The following ZC3H7A variants were observed in gnomAD, a reference collection of about 807,000 sequenced individuals.
The protein encoded by ZC3H7A is zinc finger CCCH domain-containing protein 7A.
Under a neutral mutation model 125.5 loss-of-function variants are expected in ZC3H7A, and 44 were observed. That is an observed-to-expected ratio of 0.35 (90% CI 0.28 to 0.45). ZC3H7A has a LOEUF of 0.45. Ranked by LOEUF, ZC3H7A falls within the 20% of genes least tolerant of loss-of-function variation. ZC3H7A has a pLI of 1.00. For missense variants in ZC3H7A, 977 were observed against 1,170.7 expected, an observed-to-expected ratio of 0.83 and a Z score of 2.41; for synonymous variants, 399 against 391.2, an observed-to-expected ratio of 1.02 and a Z score of -0.23.
Position 11,752,743 on chromosome 16 carries a change from C to T in ZC3H7A, c.2652G>A (p.Lys884=). 2 of 1,614,160 alleles carry T rather than the reference C, an allele frequency of 1.2e-6. No homozygotes were observed. The highest frequency in any genetic ancestry group is 2.2e-5 in the East Asian group (1 of 44,888). The change falls in exon 22 of 23, where the codon AAG becomes AAA. Residue 884 remains lysine (K), a synonymous_variant. Transcript: ENST00000355758. ...ACTGGTCGTCCTCGGTGTGGAAAAC[C>T]TTCTCTTTGTGCTTCTCGGAGGAGA... ...GHISSEKHKE[K]VFHTEDDQYC...
In ZC3H7A at chr16:11,776,712, A is replaced by C. The variant is rs199703692; in HGVS notation, c.465+39T>G. ...TTAAATGCCATTTATTATGATGTAA[A>C]TGGTTACGATGTAAACAAATAAACT... is the stretch of plus-strand genomic sequence containing the variant. On this transcript the variant is annotated intron_variant, in intron 5 of 22. Transcript: ENST00000355758. The C allele has an allele frequency of 2.2e-3, 3,419 of 1,563,252 alleles. 8 individuals are homozygous for C. The highest frequency in any genetic ancestry group is 4.0e-3 in the South Asian group (330 of 82,334).
At chr16:11,797,008 C>T (rs1245224013) in intron 1 of ZC3H7A, 116 bp downstream of exon 1, 1 of 148,130 alleles carries the variant, frequency 6.8e-6, no homozygotes, top group Non-Finnish European at 1.5e-5. Flanking sequence ...CTCCCCCGCC[C>T]CGCCCGCCGT....
intron 22 of ZC3H7A, among the ~76,000 whole-genome samples, chr16:11,751,946 C>T (rs1487418568): frequency 7.3e-6 from 1 of 136,102 alleles, no homozygotes; most frequent in Non-Finnish European, 1.5e-5. Context: ...CTGTTTGTTG[C>T]CCAGGCTGAA....
rs542659156 is a variant in ZC3H7A at position 11,792,150 on chromosome 16, C to G, written c.-35+4974G>C. ...CTCAAACTTCCAGGCTCAAGCAATCCACCCACCTTAGCCTCCCAAAGTATT... is the reference window on the plus strand; with the variant it reads ...CTCAAACTTCCAGGCTCAAGCAATCGACCCACCTTAGCCTCCCAAAGTATT... On this transcript the variant is annotated intron_variant, in intron 1 of 22. Coordinates refer to ENST00000355758, the MANE Select transcript of ZC3H7A (RefSeq NM_014153.4). 5.3e-5 allele frequency among the ~76,000 whole-genome samples: 8 copies of G among 152,312 alleles called. No homozygotes were observed. The South Asian group carries it at 8.3e-4, about 16-fold the overall frequency.
At chr16:11,756,113 A>G in intron 21 of ZC3H7A, 124 bp downstream of exon 21, 1 of 1,388,702 alleles carries the variant, frequency 7.2e-7, no homozygotes, top group Non-Finnish European at 9.7e-7. Flanking sequence ...CAGTGAGCTG[A>G]AATCACACCA....
chr16:11,755,671 G>C (rs937533519), intron 21 of ZC3H7A, among the ~76,000 whole-genome samples: 2 of 152,136 alleles, frequency 1.3e-5, no homozygotes, highest in African/African-American at 4.8e-5. Context: ...AATCTACCCA[G>C]GGTGCCAGGC....
At chr16:11,772,700 CTTT>C (rs397856219) in intron 9 of ZC3H7A, among the ~76,000 whole-genome samples, 1 of 141,586 alleles carries the variant, frequency 7.1e-6, no homozygotes. Flanking sequence ...TCAGAGAAGT[CTTT>C]TTTTTTTTTT....
chr16:11,787,344 A>C (rs2053271826), intron 1 of ZC3H7A, among the ~76,000 whole-genome samples: 1 of 152,186 alleles, frequency 6.6e-6, no homozygotes, highest in African/African-American at 2.4e-5. Context: ...GTCACTCTAC[A>C]AAGTTCCTTC....
chr16:11,763,684 A>T, intron 15 of ZC3H7A, 25 bp from the exon 16 acceptor site: 1 of 1,359,930 alleles, frequency 7.4e-7, no homozygotes, highest in Non-Finnish European at 9.7e-7. Flanking sequence ...GTGACATTTT[A>T]ATATTGTTCT....
chr16:11,782,223 A>G (rs1190829805), intron 2 of ZC3H7A, 64 bp downstream of exon 2: 19 of 1,589,222 alleles, frequency 1.2e-5, no homozygotes, highest in Non-Finnish European at 1.6e-5. Flanking sequence ...TCCTCTCCAC[A>G]AAACATACAT....
At position 11,754,322 on chromosome 16, in the gene ZC3H7A, AT is replaced by A. The variant is rs1194365457; in HGVS notation, c.2563-1491del. Reference sequence around the variant, plus strand: ...AAAAAAAAAAAAGGAAGAAAAAAAAATATATATATATATATAATAAAATAAA... The same window carrying A: ...AAAAAAAAAAAAGGAAGAAAAAAAAAATATATATATATATAATAAAATAAA... On this transcript the variant is annotated intron_variant, in intron 21 of 22. Transcript: ENST00000355758. Among the ~76,000 whole-genome samples, 200 of 88,998 alleles carry A rather than the reference AT, an allele frequency of 2.2e-3. 2 individuals carry two copies. Among genetic ancestry groups the A allele is most frequent in the South Asian group, 0.015 (32 of 2,118 alleles). The allele number at this position is 88,998 out of a possible 152,430, so 58.4% of individuals were successfully genotyped here. A position where few individuals can be genotyped will look rare whatever the true frequency, so the allele number is the denominator to read the frequency against.
intron 1 of ZC3H7A, among the ~76,000 whole-genome samples, chr16:11,788,095 GAA>G (rs1312888904): frequency 6.6e-6 from 1 of 152,070 alleles, no homozygotes; most frequent in Admixed American, 6.6e-5. Flanking sequence ...TTTAAAGAAA[GAA>G]AGAATTTTAC....
chr16:11,785,482 G>C (rs900338546), intron 1 of ZC3H7A, among the ~76,000 whole-genome samples: 21 of 151,834 alleles, frequency 1.4e-4, no homozygotes, highest in African/African-American at 5.1e-4. Context: ...CTCCCGCCTG[G>C]GCAAGAGAGT....
chr16:11,771,274 G>T (rs2141190080), intron 9 of ZC3H7A, among the ~76,000 whole-genome samples: 1 of 152,098 alleles, frequency 6.6e-6, no homozygotes, highest in East Asian at 2.0e-4. Context: ...TGTAGTCCCA[G>T]CTACTCAGGA....
At chr16:11,775,349 T>C (rs1478111993) in intron 7 of ZC3H7A, among the ~76,000 whole-genome samples, 3 of 146,770 alleles carry the variant, frequency 2.0e-5, no homozygotes, top group Non-Finnish European at 4.5e-5. Context: ...CCAGCCTAGG[T>C]GACAGAGCGA....
intron 19 of ZC3H7A, among the ~76,000 whole-genome samples, chr16:11,760,137 A>AAAAAAAAAAAAAAAAAAAAG (rs1555493879): frequency 1.5e-5 from 2 of 137,640 alleles, no homozygotes; most frequent in African/African-American, 2.6e-5. Context: ...AAAAAAAAAA[A>AAAAAAAAAAAAAAAAAAAAG]AAAAAAAAGA....
At position 11,762,059 on chromosome 16, in the gene ZC3H7A, G is replaced by T; in HGVS notation, c.2080-16C>A. On this transcript the variant is annotated splice_polypyrimidine_tract_variant and intron_variant, in intron 17 of 22. Transcript: ENST00000355758. Reference sequence around the variant, plus strand: ...TACCAAGTACCTTAAACAATTAAAAGATTCGTTTTAATTTTTTTAACAGAA... The same window carrying T: ...TACCAAGTACCTTAAACAATTAAAATATTCGTTTTAATTTTTTTAACAGAA... The T allele has an allele frequency of 1.9e-6, 3 of 1,561,524 alleles. No homozygotes were observed. The highest frequency in any genetic ancestry group is 4.6e-5 in the East Asian group (2 of 43,724).
At chr16:11,784,821 T>G (rs1318239908) in intron 1 of ZC3H7A, among the ~76,000 whole-genome samples, 1 of 133,716 alleles carries the variant, frequency 7.5e-6, no homozygotes. Flanking sequence ...GTCATTGCAC[T>G]CCAGCCTGGG....
At chr16:11,770,442 C>A (rs916437834) in intron 10 of ZC3H7A, among the ~76,000 whole-genome samples, 2 of 152,182 alleles carry the variant, frequency 1.3e-5, no homozygotes, top group African/African-American at 4.8e-5. Flanking sequence ...AATTTAATAG[C>A]ATAGCCTGTC....
Sources: allele counts gnomAD v4.1 joint callset (sites outside exome capture counted in the v4.1 genomes callset), GRCh38; gene constraint gnomAD v4.1.1; transcripts MANE v1.5; gene names NCBI Gene and HGNC (gene_info 2026-07-23, HGNC 2026-07-21).